The following CCDC14 variants were observed in gnomAD, a reference collection of about 807,000 sequenced individuals.
CCDC14 encodes the protein coiled-coil domain-containing protein 14.
Under a neutral mutation model 81.4 loss-of-function variants are expected in CCDC14, and 71 were observed. The ratio of observed to expected loss-of-function variants is 0.87; its 90% CI spans 0.72 to 1.06. The LOEUF (loss-of-function observed/expected upper bound fraction) is 1.06. CCDC14 is among the 50% of genes least tolerant of loss of function. The probability of loss-of-function intolerance (pLI) is 0.00; values close to 1 mark genes in which losing one functional copy is unlikely to be tolerated. For missense variants in CCDC14, 1,046 were observed against 1,047.3 expected, an observed-to-expected ratio of 1.00 and a Z score of 0.02; for synonymous variants, 332 against 364.8, an observed-to-expected ratio of 0.91 and a Z score of 1.03.
At chr3:123,920,403 G>C (rs2034974830) in intron 12 of CCDC14, among the ~76,000 whole-genome samples, 2 of 152,100 alleles carry the variant, frequency 1.3e-5, no homozygotes, top group African/African-American at 4.8e-5. Flanking sequence ...GACGCTCAGA[G>C]GTCTCCAATC....
intron 12 of CCDC14, among the ~76,000 whole-genome samples, chr3:123,924,826 AC>A (rs2035262800): frequency 6.6e-6 from 1 of 152,100 alleles, no homozygotes; most frequent in Non-Finnish European, 1.5e-5. Flanking sequence ...TAGTATAGAC[AC>A]AATGGGAAAC....
chr3:123,889,987 A>G, the CCDC14 span, among the ~76,000 whole-genome samples: 1 of 152,220 alleles, frequency 6.6e-6, no homozygotes, highest in African/African-American at 2.4e-5. Flanking sequence ...ACAATTTCAT[A>G]TGGCTGGGGA....
At chr3:123,949,157 C>A (rs1359313711) in intron 5 of CCDC14, 25 bp from the exon 6 acceptor site, 2 of 1,430,584 alleles carry the variant, frequency 1.4e-6, no homozygotes, top group Non-Finnish European at 9.6e-7. Context: ...GAAAAAAGTT[C>A]TTGAAATATG....
At chr3:123,902,123 A>C (rs1051905295) in intron 5 of CCDC14, among the ~76,000 whole-genome samples, 2 of 152,184 alleles carry the variant, frequency 1.3e-5, no homozygotes, top group Admixed American at 6.5e-5. Flanking sequence ...ATACTAAAAA[A>C]ACCAGTCATC....
intron 12 of CCDC14, among the ~76,000 whole-genome samples, chr3:123,921,972 A>G (rs1271808265): frequency 6.6e-6 from 1 of 152,204 alleles, no homozygotes; most frequent in Non-Finnish European, 1.5e-5. Context: ...AGGATAGATC[A>G]TGTTAGACCA....
At chr3:123,910,862 T>C (rs575077863), downstream of CCDC14, among the ~76,000 whole-genome samples, 3 of 152,282 alleles carry the variant, frequency 2.0e-5, no homozygotes, top group South Asian at 6.2e-4. Context: ...AACTATATGA[T>C]AGTCACCAAG....
chr3:123,931,081 T>C (rs1180707779), intron 12 of CCDC14, 21 bp downstream of exon 12: 9 of 1,556,592 alleles, frequency 5.8e-6, no homozygotes, highest in Non-Finnish European at 7.8e-6. Flanking sequence ...GCATGAGTTA[T>C]TCAAAGGAAG....
chr3:123,897,930 TA>T (rs1290026074), intron 5 of CCDC14, among the ~76,000 whole-genome samples: 1 of 152,268 alleles, frequency 6.6e-6, no homozygotes, highest in Non-Finnish European at 1.5e-5. Flanking sequence ...AATCTGGAGA[TA>T]TTTTATATGT....
downstream of CCDC14, among the ~76,000 whole-genome samples, chr3:123,910,989 A>G (rs531412778): frequency 6.6e-6 from 1 of 152,314 alleles, no homozygotes; most frequent in South Asian, 2.1e-4. Context: ...TCTGCAAGGT[A>G]CAGAAGTAGT....
At position 123,948,762 on chromosome 3, in the gene CCDC14, T is replaced by C; in HGVS notation, c.613A>G (p.Ser205Gly). 1 of 1,597,680 alleles carries C rather than the reference T, an allele frequency of 6.3e-7. No individual in the cohort carries two copies. Residue 205 changes from serine (S) to glycine (G), a missense_variant, in exon 7 of 13, where the codon AGT becomes GGT. Ser to Gly is a moderately conservative substitution (Grantham distance 56). Transcript: ENST00000409697. ...GGGGTGGAGGTACATAAGCCATAAC[T>C]AGAATGAGGAGTTGCCTGAGATTCT... Reference protein sequence around the residue: ...HSESQATPHSSYGLCTSTPVW... With the variant: ...HSESQATPHSGYGLCTSTPVW...
At chr3:123,917,257 G>C (rs2034760628) in intron 12 of CCDC14, among the ~76,000 whole-genome samples, 1 of 151,562 alleles carries the variant, frequency 6.6e-6, no homozygotes, top group African/African-American at 2.4e-5. Context: ...ACTTTGGGAG[G>C]CTGTGGCAGG....
intron 10 of CCDC14, among the ~76,000 whole-genome samples, chr3:123,933,092 G>A (rs2682245): frequency 0.14 from 17,594 of 123,368 alleles, 2,458 homozygotes; most frequent in East Asian, 0.38. Flanking sequence ...GAGTGACGCC[G>A]TCTCAAAACA....
chr3:123,952,029 G>A (rs1000525574), intron 5 of CCDC14, among the ~76,000 whole-genome samples: 3 of 152,176 alleles, frequency 2.0e-5, no homozygotes, highest in Non-Finnish European at 2.9e-5. Context: ...ATGATCAAAT[G>A]AGCCTGTTAC....
Position 123,944,934 on chromosome 3 carries a change from G to C in CCDC14, c.1258C>G (p.Pro420Ala). The change falls in exon 9 of 13, where the codon CCA (proline) becomes GCA (alanine). Residue 420 changes from proline to alanine, a missense_variant. Coordinates refer to ENST00000409697, the MANE Select transcript of CCDC14 (RefSeq NM_001366335.1). ...ATATCTGTGTTTCCACTTACTGTTGGAAGTACAGATATACATGCCTCCATT... is the reference window on the plus strand; with the variant it reads ...ATATCTGTGTTTCCACTTACTGTTGCAAGTACAGATATACATGCCTCCATT... The part of the protein sequence containing the change: ...TEMEACISVL[P>A]TVSGNTDIQV... The C allele has an allele frequency of 1.9e-6, 3 of 1,610,978 alleles. 1 individual carries two copies. The highest frequency in any genetic ancestry group is 2.2e-5 in the South Asian group (2 of 90,718).
rs61094944 is a variant in CCDC14, at chr3:123,934,270, C to CAAAAAAAAAAAAAA, written c.1344-529_1344-516dup. Among the ~76,000 whole-genome samples the CAAAAAAAAAAAAAA allele has an allele frequency of 1.9e-4, 10 of 52,290 alleles. 3 individuals are homozygous for CAAAAAAAAAAAAAA. Among genetic ancestry groups the CAAAAAAAAAAAAAA allele is most frequent in the African/African-American group, 8.4e-4 (10 of 11,846 alleles). 34.3% of individuals were successfully genotyped at this position (52,290 alleles called of 152,430 possible). ...CTGGCGAAAGAGTGAGACTCTGCCT[C>CAAAAAAAAAAAAAA]AAAAAAAAAAAAAAAAAAAAAAAAA... On this transcript the variant is annotated intron_variant, in intron 9 of 12. Transcript: ENST00000409697.
intron 7 of CCDC14, 129 bp downstream of exon 7, chr3:123,948,562 A>G (rs2036802577): frequency 4.9e-6 from 4 of 814,892 alleles, no homozygotes; most frequent in Non-Finnish European, 7.6e-6. Context: ...AAACTTTTAT[A>G]GCAAAAAAAA....
chr3:123,945,797 C>T lies in CCDC14; in HGVS notation c.1202-807G>A, dbSNP rs138476872. ...ATGAAAAGTATATGTACACAGTAAA[C>T]AACTGTGTTCAATGATCAAGCAGTC... On this transcript the variant is annotated intron_variant, in intron 8 of 12. Transcript: ENST00000409697. Among the ~76,000 whole-genome samples, 11 of 152,236 alleles carry T rather than the reference C, an allele frequency of 7.2e-5. No homozygotes were observed. The East Asian group carries it at 2.1e-3, about 29-fold the overall frequency.
chr3:123,948,731 C>T lies in CCDC14; in HGVS notation c.644G>A (p.Trp215Ter). ...AGGGCAGGGTGGCCGCTGAAGTGAC[C>T]AGACTGGGGTGGAGGTACATAAGCC... ...SYGLCTSTPVWSLQRPPCPPK... is the reference protein window; with the variant it reads ...SYGLCTSTPV The change falls in exon 7 of 13, where the codon TGG becomes TAG. Residue 215 changes from tryptophan (W) to a stop codon, truncating the protein, a stop_gained. Transcript: ENST00000409697. LOFTEE classifies it high-confidence loss of function. 6.2e-7 allele frequency: 1 copy of T among 1,602,756 alleles called. No individual in the cohort carries two copies. The highest frequency in any genetic ancestry group is 8.5e-7 in the Non-Finnish European group (1 of 1,177,254).
In CCDC14 at chr3:123,907,430, G is replaced by C. The variant is rs114032656; in HGVS notation, c.668-9817C>G. 5.3e-3 allele frequency among the ~76,000 whole-genome samples: 806 copies of C among 152,046 alleles called. 7 individuals carry two copies. Among genetic ancestry groups the C allele is most frequent in the African/African-American group, 0.018 (740 of 41,478 alleles). On this transcript the variant is annotated intron_variant, in intron 5 of 5. Transcript: ENST00000479903. ...TAAGGATTTAAAACTTTTCCTGGCT[G>C]GGCATGGTAGCTCACACCTGAGATC...
Sources: allele counts gnomAD v4.1 joint callset (sites outside exome capture counted in the v4.1 genomes callset), GRCh38; gene constraint gnomAD v4.1.1; transcripts MANE v1.5; gene names NCBI Gene and HGNC (gene_info 2026-07-23, HGNC 2026-07-21).